The following RPL14 variants were observed in gnomAD, a reference collection of about 807,000 sequenced individuals.
RPL14 encodes large ribosomal subunit protein eL14.
A neutral mutation model predicts 25.3 loss-of-function variants in RPL14; 4 were observed. The observed-to-expected ratio is 0.16, with a 90% CI of 0.08 to 0.36. The LOEUF (loss-of-function observed/expected upper bound fraction) is 0.36. Among genes scored for constraint, RPL14 ranks in the 10% least tolerant of loss-of-function variants. The pLI is 1.00. For synonymous variants in RPL14, 75 were observed against 89.8 expected (o/e 0.84, Z 0.93); for missense variants, 212 against 261.9 (o/e 0.81, Z 1.31).
rs939884238 is a variant in RPL14, at chr3:40,464,238, G to C, written c.*2006G>C. The C allele has an allele frequency of 1.7e-5, 6 of 354,022 alleles. No homozygotes were observed. The highest frequency in any genetic ancestry group is 3.3e-5 in the Non-Finnish European group (6 of 179,900). 21.9% of individuals were successfully genotyped at this position (354,022 alleles called of 1,614,324 possible). On this transcript the variant is annotated 3_prime_UTR_variant, in exon 6 of 6. Coordinates refer to ENST00000396203, the MANE Select transcript of RPL14 (RefSeq NM_001034996.3). The stretch of plus-strand genomic sequence containing the variant: ...GCCTCCCAAAGTGCTGGGATTACAG[G>C]CGTGAGCCACCGCTTCTGGCCAGGA...
chr3:40,462,372 C>CTTTTTTTTTTTTT lies in RPL14; in HGVS notation c.*140_*141insTTTTTTTTTTTTT. ...TATAATAAACATTAAATAATCAGTT[C>CTTTTTTTTTTTTT]CTTTTTTTTTTTTTTTTTTTTTGAG... On this transcript the variant is annotated 3_prime_UTR_variant, in exon 6 of 6. Coordinates refer to ENST00000396203, the MANE Select transcript of RPL14 (RefSeq NM_001034996.3). 1 of 519,756 alleles carries CTTTTTTTTTTTTT rather than the reference C, an allele frequency of 1.9e-6. No individual in the cohort carries two copies. Among genetic ancestry groups the CTTTTTTTTTTTTT allele is most frequent in the South Asian group, 3.8e-5 (1 of 26,592 alleles). 32.2% of individuals were successfully genotyped at this position (519,756 alleles called of 1,614,324 possible). A position where few individuals can be genotyped will look rare whatever the true frequency, so the allele number is the denominator to read the frequency against.
rs570995505 is a variant in RPL14, at chr3:40,461,454, A to G, written c.248A>G (p.Asn83Ser). Reference sequence around the variant, plus strand: ...CAAGCCTGGCAGAAGGCAGACATCAATACAAAATGGGCAGCCACACGATGG... The same window carrying G: ...CAAGCCTGGCAGAAGGCAGACATCAGTACAAAATGGGCAGCCACACGATGG... ...VRQAWQKADI[N>S]TKWAATRWAK... The change falls in exon 4 of 6, where the codon AAT (asparagine) becomes AGT (serine). Residue 83 changes from asparagine to serine, a missense_variant. By Grantham distance (46) the Asn-to-Ser change is conservative (BLOSUM62 1). Around this residue, in one of 3 missense-constraint regions of RPL14, gnomAD observed 143 missense variants for 180.3 expected, o/e 0.79. Transcript: ENST00000396203. The G allele has an allele frequency of 5.0e-5, 80 of 1,614,084 alleles. No individual in the cohort carries two copies. The highest frequency in any genetic ancestry group is 6.4e-5 in the Non-Finnish European group (76 of 1,180,044).
At position 40,464,078 on chromosome 3, in the gene RPL14, T is replaced by C. The variant is rs1276542964; in HGVS notation, c.*1846T>C. On this transcript the variant is annotated 3_prime_UTR_variant, in exon 6 of 6. Coordinates refer to ENST00000396203, the MANE Select transcript of RPL14 (RefSeq NM_001034996.3). ...TCCACCTCCCAGGTTCAAGTTGTTC[T>C]GCCTCAGCCTCCCAAGTAGCAGGGG... The C allele has an allele frequency of 5.8e-6, 1 of 171,236 alleles. No individual in the cohort carries two copies. Among genetic ancestry groups the C allele is most frequent in the Non-Finnish European group, 1.3e-5 (1 of 79,012 alleles). 10.6% of individuals were successfully genotyped at this position (171,236 alleles called of 1,614,324 possible).
rs568418392 is a variant in RPL14, at chr3:40,467,097, A to G, written c.*4865A>G. On this transcript the variant is annotated 3_prime_UTR_variant, in exon 6 of 6. Coordinates refer to ENST00000396203, the MANE Select transcript of RPL14 (RefSeq NM_001034996.3). ...AAAGGAAAACATATACATCTTGCAGACATTTTTTAATGTGTTTGTAATATA... is the reference window on the plus strand; with the variant it reads ...AAAGGAAAACATATACATCTTGCAGGCATTTTTTAATGTGTTTGTAATATA... The G allele has an allele frequency of 6.6e-6, 1 of 152,316 alleles. No homozygotes were observed. Among genetic ancestry groups the G allele is most frequent in the South Asian group, 2.1e-4 (1 of 4,834 alleles). The allele number at this position is 152,316 out of a possible 1,614,324, so 9.4% of individuals were successfully genotyped here. A position where few individuals can be genotyped will look rare whatever the true frequency, so the allele number is the denominator to read the frequency against.
At position 40,466,465 on chromosome 3, in the gene RPL14, G is replaced by A. The variant is rs1437412736; in HGVS notation, c.*4233G>A. 1 of 140,514 alleles carries A rather than the reference G, an allele frequency of 7.1e-6. No individual in the cohort carries two copies. Among genetic ancestry groups the A allele is most frequent in the Non-Finnish European group, 1.5e-5 (1 of 66,590 alleles). 8.7% of individuals were successfully genotyped at this position (140,514 alleles called of 1,614,324 possible). A position where few individuals can be genotyped will look rare whatever the true frequency, so the allele number is the denominator to read the frequency against. On this transcript the variant is annotated 3_prime_UTR_variant, in exon 6 of 6. Coordinates refer to ENST00000396203, the MANE Select transcript of RPL14 (RefSeq NM_001034996.3). ...GGAGGCTGAGGCAGGTGAATCAGGG[G>A]TTCAAGACCAGCCTGGCCAATGTGG...
At chr3:40,459,339 C>T (rs559647917) in intron 3 of RPL14, among the ~76,000 whole-genome samples, 2 of 152,266 alleles carry the variant, frequency 1.3e-5, no homozygotes, top group African/African-American at 4.8e-5. Flanking sequence ...GTGTTTATTG[C>T]TACTAGCTAT....
rs760604858 is a variant in RPL14 at position 40,458,667 on chromosome 3, A to G, written c.131A>G (p.Gln44Arg). The G allele has an allele frequency of 1.9e-6, 3 of 1,614,064 alleles. No homozygotes were observed. In the African/African-American group the frequency reaches 4.0e-5, roughly 22 times the overall value. Residue 44 changes from glutamine to arginine, a missense_variant, in exon 3 of 6, where the codon CAA (glutamine) becomes CGA (arginine). This residue lies in a region of RPL14 where 143 missense variants were observed against 180.3 expected (regional missense o/e 0.79). Transcript: ENST00000396203. ...GCTTTGGTCGATGGACCTTGCACTC[A>G]AGTGAGGAGACAGGCCATGCCTTTC... ...NRALVDGPCT[Q>R]VRRQAMPFKC...
In RPL14 at chr3:40,467,156, A is replaced by G. The variant is rs148686619; in HGVS notation, c.*4924A>G. On this transcript the variant is annotated 3_prime_UTR_variant, in exon 6 of 6. Coordinates refer to ENST00000396203, the MANE Select transcript of RPL14 (RefSeq NM_001034996.3). The stretch of plus-strand genomic sequence containing the variant: ...AAAATATATGTGCTTGTTTTAAGCA[A>G]ATTTCATACTCTGCAACTTGCCTTT... The G allele has an allele frequency of 6.6e-6, 1 of 152,180 alleles. No homozygotes were observed. Among genetic ancestry groups the G allele is most frequent in the Non-Finnish European group, 1.5e-5 (1 of 68,044 alleles). 9.4% of individuals were successfully genotyped at this position (152,180 alleles called of 1,614,324 possible). A position where few individuals can be genotyped will look rare whatever the true frequency, so the allele number is the denominator to read the frequency against.
At chr3:40,460,155 T>G (rs559148540) in intron 3 of RPL14, among the ~76,000 whole-genome samples, 1 of 152,276 alleles carries the variant, frequency 6.6e-6, no homozygotes, top group Non-Finnish European at 1.5e-5. Context: ...TTTAGGATGT[T>G]TGGCCACAAA....
At position 40,461,680 on chromosome 3, in the gene RPL14, A is replaced by G. The variant is rs1250797592; in HGVS notation, c.354+19A>G. ...GAAAATGGTAAGATTTAAGATCTGT[A>G]TTTTTGTGTAACTTAGCTTTAAATA... On this transcript the variant is annotated intron_variant, in intron 5 of 5. Transcript: ENST00000396203. 3 of 1,585,406 alleles carry G rather than the reference A, an allele frequency of 1.9e-6. No homozygotes were observed. In the South Asian group the frequency reaches 3.5e-5, roughly 19 times the overall value.
intron 1 of RPL14, 180 bp from the exon 2 acceptor site, chr3:40,457,710 T>C: frequency 1.5e-6 from 1 of 677,596 alleles, no homozygotes; most frequent in East Asian, 2.7e-5. Flanking sequence ...GGAACCGGGC[T>C]TAAGCTACTG....
rs1696948118 is a variant in RPL14 at position 40,462,053 on chromosome 3, GC to G, written c.470del (p.Ala157ValfsTer64). The G allele has an allele frequency of 6.2e-7, 1 of 1,609,200 alleles. No individual in the cohort carries two copies. Among genetic ancestry groups the G allele is most frequent in the African/African-American group, 1.4e-5 (1 of 73,000 alleles). On this transcript the variant is annotated frameshift_variant, in exon 6 of 6. Coordinates refer to ENST00000396203, the MANE Select transcript of RPL14 (RefSeq NM_001034996.3). LOFTEE classifies it high-confidence loss of function. ...TACTGCTGCTGCTGCTGCTGCTGCT[GC>G]TGCTGCTAAAGTTCCAGCAAAAAAG... ...KGTAAAAAAAAAAKVPAKKIT... is the reference protein window; with the variant it reads ...KGTAAAAAAAXAAKVPAKKIT...
rs1697004048 is a variant in RPL14, at chr3:40,464,787, A to G, written c.*2555A>G. ...TTGGACTGCAGAAATAAGGGAGAAA[A>G]CAATGTGTCAGGGTTTCTGGTTTGT... On this transcript the variant is annotated 3_prime_UTR_variant, in exon 6 of 6. Coordinates refer to ENST00000396203, the MANE Select transcript of RPL14 (RefSeq NM_001034996.3). 1 of 249,362 alleles carries G rather than the reference A, an allele frequency of 4.0e-6. No individual in the cohort carries two copies. The highest frequency in any genetic ancestry group is 8.2e-6 in the Non-Finnish European group (1 of 121,268). The allele number at this position is 249,362 out of a possible 1,614,324, so 15.4% of individuals were successfully genotyped here. A position where few individuals can be genotyped will look rare whatever the true frequency, so the allele number is the denominator to read the frequency against.
Position 40,462,017 on chromosome 3 carries a change from G to C in RPL14, c.433G>C (p.Gly145Arg), listed in dbSNP as rs1237585591. 1.3e-6 allele frequency: 2 copies of C among 1,537,860 alleles called. No homozygotes were observed. The highest frequency in any genetic ancestry group is 1.8e-5 in the Admixed American group (1 of 54,700). ...GAAAGCTTCTCCCAAAAAAGCACCT[G>C]GTACTAAGGGTACTGCTGCTGCTGC... ...LLKASPKKAP[G>R]TKGTAAAAAA... The change falls in exon 6 of 6, where the codon GGT becomes CGT. Residue 145 changes from glycine (G) to arginine (R), a missense_variant. Transcript: ENST00000396203.
chr3:40,457,374 C>T lies in RPL14; in HGVS notation c.-98C>T. 6.2e-7 allele frequency: 1 copy of T among 1,606,660 alleles called. No individual in the cohort carries two copies. Among genetic ancestry groups the T allele is most frequent in the Non-Finnish European group, 8.5e-7 (1 of 1,176,340 alleles). On this transcript the variant is annotated 5_prime_UTR_variant, in exon 1 of 6. Coordinates refer to ENST00000396203, the MANE Select transcript of RPL14 (RefSeq NM_001034996.3). ...AACGCCGCCAACATGGTGAGTCTTA[C>T]TGTTGCGGGCTCCGGGGCCGTCGAC...
At position 40,462,927 on chromosome 3, in the gene RPL14, T is replaced by G. The variant is rs1696969975; in HGVS notation, c.*695T>G. 1 of 151,660 alleles carries G rather than the reference T, an allele frequency of 6.6e-6. No homozygotes were observed. Among genetic ancestry groups the G allele is most frequent in the African/African-American group, 2.4e-5 (1 of 40,960 alleles). 9.4% of individuals were successfully genotyped at this position (151,660 alleles called of 1,614,324 possible). ...AGTCTAGCAGATTTATTTTATTTAT[T>G]TATTTTTTTTTTTTGGAGACAGAGT... On this transcript the variant is annotated 3_prime_UTR_variant, in exon 6 of 6. Transcript: ENST00000396203.
rs140497835 is a variant in RPL14 at position 40,459,580 on chromosome 3, G to A, written c.200+844G>A. ...CAAAAACTTGCTGTATGTTGGCCGG[G>A]CGCGGTGGCTCACGCCTATAATCCC... On this transcript the variant is annotated intron_variant, in intron 3 of 5. Coordinates refer to ENST00000396203, the MANE Select transcript of RPL14 (RefSeq NM_001034996.3). 3.5e-3 allele frequency among the ~76,000 whole-genome samples: 535 copies of A among 152,266 alleles called. 17 individuals are homozygous for A. Among genetic ancestry groups the A allele is most frequent in the Admixed American group, 0.03 (458 of 15,288 alleles).
rs891853855 is a variant in RPL14 at position 40,466,739 on chromosome 3, A to C, written c.*4507A>C. 2 of 152,178 alleles carry C rather than the reference A, an allele frequency of 1.3e-5. No homozygotes were observed. The highest frequency in any genetic ancestry group is 4.8e-5 in the African/African-American group (2 of 41,444). The allele number at this position is 152,178 out of a possible 1,614,324, so 9.4% of individuals were successfully genotyped here. On this transcript the variant is annotated 3_prime_UTR_variant, in exon 6 of 6. Coordinates refer to ENST00000396203, the MANE Select transcript of RPL14 (RefSeq NM_001034996.3). ...CAACACCTAGTGCAATTCTTTTTAC[A>C]CATTAGGTACTTAGTAATTTGGGTT...
chr3:40,458,514 C>T, intron 2 of RPL14, 128 bp from the exon 3 acceptor site: 1 of 687,852 alleles, frequency 1.5e-6, no homozygotes, highest in Non-Finnish European at 2.5e-6. Flanking sequence ...CTTGTCTTTT[C>T]TGAGCAATTT....
Sources: gnomAD v4.1 joint callset for allele counts (sites outside exome capture counted in the v4.1 genomes callset) on GRCh38, gnomAD v4.1.1 for gene constraint, gnomAD v4.1.1 regional missense constraint, MANE v1.5 for transcripts, NCBI Gene and HGNC (gene_info 2026-07-23, HGNC 2026-07-21) for gene names.